The following GPN1 variants were observed in gnomAD, a reference collection of about 807,000 sequenced individuals.
GPN1 encodes GPN-loop GTPase 1, also known as ATP(GTP)-binding protein.
A neutral mutation model predicts 55.9 loss-of-function variants in GPN1; 44 were observed. The ratio of observed to expected loss-of-function variants is 0.79; its 90% confidence interval spans 0.62 to 1.01. GPN1 has a LOEUF of 1.01. GPN1 is among the 50% of genes least tolerant of loss of function. The pLI is 0.00. For missense variants in GPN1, 466 were observed against 462.8 expected (o/e 1.01, Z -0.06); for synonymous variants, 179 against 162.5 (o/e 1.10, Z -0.77).
At position 27,650,377 on chromosome 2, in the gene GPN1, C is replaced by A; in HGVS notation, c.*177C>A. The A allele has an allele frequency of 2.1e-6, 1 of 474,952 alleles. No homozygotes were observed. The highest frequency in any genetic ancestry group is 3.8e-6 in the Non-Finnish European group (1 of 262,408). 29.4% of individuals were successfully genotyped at this position (474,952 alleles called of 1,614,324 possible). A position where few individuals can be genotyped will look rare whatever the true frequency, so the allele number is the denominator to read the frequency against. On this transcript the variant is annotated 3_prime_UTR_variant, in exon 14 of 14. Coordinates refer to ENST00000610189, the MANE Select transcript of GPN1 (RefSeq NM_007266.4). ...CAGATGAAGTCAGGGATAGAAGACCCTTGGACCTGGCAGGTTAATGCTGAT... is the reference window on the plus strand; with the variant it reads ...CAGATGAAGTCAGGGATAGAAGACCATTGGACCTGGCAGGTTAATGCTGAT...
intron 13 of GPN1, among the ~76,000 whole-genome samples, chr2:27,648,332 C>T (rs1285347060): frequency 1.3e-5 from 2 of 152,004 alleles, no homozygotes; most frequent in African/African-American, 4.8e-5. Flanking sequence ...CAAGCCTGGG[C>T]AACATAGTTA....
rs1673767877 is a variant in GPN1, at chr2:27,637,293, A to G, written c.525-917A>G. 2.6e-5 allele frequency among the ~76,000 whole-genome samples: 4 copies of G among 152,298 alleles called. No homozygotes were observed. In the South Asian group the frequency reaches 8.3e-4, roughly 32 times the overall value. On this transcript the variant is annotated intron_variant, in intron 7 of 13. Coordinates refer to ENST00000610189, the MANE Select transcript of GPN1 (RefSeq NM_007266.4). The stretch of plus-strand genomic sequence containing the variant: ...TCATTAAGTGAAGTAGATCGTCATA[A>G]AACTCTTCATCCTAATCGTCTTCAC...
At chr2:27,629,554 C>G (rs574768224) in intron 1 of GPN1, 70 of 734,372 alleles carry the variant, frequency 9.5e-5, no homozygotes, top group Non-Finnish European at 2.3e-6. Context: ...GGGGATATAG[C>G]GAAAATGAGG....
rs753525281 is a variant in GPN1 at position 27,634,856 on chromosome 2, A to G, written c.361A>G (p.Ile121Val). The G allele has an allele frequency of 1.3e-6, 2 of 1,572,918 alleles. No homozygotes were observed. The highest frequency in any genetic ancestry group is 3.3e-5 in the Admixed American group (2 of 59,952). ...TCTTTCTTGACATAGATATGTGTTG[A>G]TTGACACACCTGGACAGATTGAGGT... ...KAQNMSKYVL[I>V]DTPGQIEVFT... is the part of the protein sequence containing the mutation. Residue 121 changes from isoleucine to valine, a missense_variant, in exon 6 of 14, where the codon ATT (isoleucine) becomes GTT (valine). Physicochemically the swap from Ile to Val is conservative, Grantham distance 29 (BLOSUM62 3). Transcript: ENST00000610189.
At chr2:27,640,912 G>A (rs573800630) in intron 10 of GPN1, among the ~76,000 whole-genome samples, 3 of 152,252 alleles carry the variant, frequency 2.0e-5, no homozygotes, top group Non-Finnish European at 2.9e-5. Context: ...TATGTTGCAC[G>A]TCCTGAGCTC....
At chr2:27,628,546 C>G (rs975168928), upstream of GPN1, 1 of 1,551,378 alleles carries the variant, frequency 6.4e-7, no homozygotes, top group African/African-American at 1.4e-5. Flanking sequence ...TTTATTCGTT[C>G]GGTGCTCAAA....
chr2:27,635,092 C>A, intron 6 of GPN1, 48 bp from the exon 7 acceptor site: 1 of 1,167,304 alleles, frequency 8.6e-7, no homozygotes, highest in Non-Finnish European at 1.3e-6. Flanking sequence ...AGTTTGAGGA[C>A]AGATCGTGAG....
Position 27,631,898 on chromosome 2 carries a change from C to A in GPN1, c.310C>A (p.Gln104Lys). The change falls in exon 4 of 14, where the codon CAG (glutamine) becomes AAG (lysine). Residue 104 changes from glutamine to lysine, a missense_variant and splice_region_variant. Physicochemically the swap from Gln to Lys is moderately conservative, Grantham distance 53. Transcript: ENST00000610189. ...CAATCTCTTTGCTACCAGATTTGAT[C>A]AGGTATATCTGTCTTTAGTATATTA... ...SLNLFATRFD[Q>K]VMKFIEKAQN... The A allele has an allele frequency of 6.5e-7, 1 of 1,548,818 alleles. No homozygotes were observed. Among genetic ancestry groups the A allele is most frequent in the Non-Finnish European group, 8.9e-7 (1 of 1,120,394 alleles).
At chr2:27,638,799 G>A in intron 8 of GPN1, 86 bp from the exon 9 acceptor site, 1 of 1,107,292 alleles carries the variant, frequency 9.0e-7, no homozygotes, top group Non-Finnish European at 1.3e-6. Flanking sequence ...TGGATGATAT[G>A]TTCTTTGCTG....
At chr2:27,641,170 TA>T in intron 10 of GPN1, 69 bp from the exon 11 acceptor site, 3 of 960,326 alleles carry the variant, frequency 3.1e-6, no homozygotes, top group Non-Finnish European at 5.0e-6. Context: ...AAAATAGAGA[TA>T]AGGGGATGTG....
intron 2 of GPN1, among the ~76,000 whole-genome samples, chr2:27,630,231 G>C (rs1673483914): frequency 6.6e-6 from 1 of 152,066 alleles, no homozygotes. Context: ...AGGTTGCAGT[G>C]AGCCAAGATC....
At chr2:27,635,681 G>A (rs1019416209) in intron 7 of GPN1, among the ~76,000 whole-genome samples, 1 of 152,156 alleles carries the variant, frequency 6.6e-6, no homozygotes, top group African/African-American at 2.4e-5. Flanking sequence ...AGCCAGCGTG[G>A]TGGCACGCCC....
At chr2:27,637,275 G>A (rs1284995442) in intron 7 of GPN1, among the ~76,000 whole-genome samples, 1 of 152,134 alleles carries the variant, frequency 6.6e-6, no homozygotes, top group African/African-American at 2.4e-5. Context: ...TGTTCATTAA[G>A]TGAAGTAGAT....
intron 9 of GPN1, among the ~76,000 whole-genome samples, chr2:27,639,321 G>A (rs1037363606): frequency 6.6e-6 from 1 of 152,038 alleles, no homozygotes; most frequent in African/African-American, 2.4e-5. Context: ...ATTGTGAGGC[G>A]GCAGATCAAA....
At chr2:27,636,755 A>G (rs1673750040) in intron 7 of GPN1, among the ~76,000 whole-genome samples, 2 of 152,310 alleles carry the variant, frequency 1.3e-5, no homozygotes. Flanking sequence ...GAATACAGGC[A>G]TGAGCCACTG....
intron 12 of GPN1, among the ~76,000 whole-genome samples, chr2:27,644,706 G>GTT (rs35012162): frequency 6.5e-5 from 8 of 123,970 alleles, no homozygotes; most frequent in Non-Finnish European, 1.0e-4. Context: ...GCCTTAGTGA[G>GTT]TTTTTTTTTT....
At chr2:27,636,816 C>T (rs537993700) in intron 7 of GPN1, among the ~76,000 whole-genome samples, 63 of 152,162 alleles carry the variant, frequency 4.1e-4, no homozygotes, top group Middle Eastern at 3.4e-3. Flanking sequence ...ATTTGATTTG[C>T]CTGATAGTGT....
Position 27,631,045 on chromosome 2 carries a change from A to G in GPN1, c.224A>G (p.Lys75Arg). ...PANIDIRDTV[K>R]YKEVMKQYGL... ...TCCTCAGATATTCGTGATACTGTAA[A>G]GTATAAAGAAGTAATGAAACAGTAT... The change falls in exon 3 of 14, where the codon AAG becomes AGG. Residue 75 changes from lysine to arginine, a missense_variant. Lys to Arg is a conservative substitution (Grantham distance 26). Transcript: ENST00000610189. 2 of 1,373,446 alleles carry G rather than the reference A, an allele frequency of 1.5e-6. No homozygotes were observed. Among genetic ancestry groups the G allele is most frequent in the Non-Finnish European group, 2.1e-6 (2 of 962,748 alleles). 85.1% of individuals were successfully genotyped at this position (1,373,446 alleles called of 1,614,324 possible).
rs1193011616 is a variant in GPN1 at position 27,640,093 on chromosome 2, G to T, written c.768G>T (p.Val256=). 2 of 1,612,874 alleles carry T rather than the reference G, an allele frequency of 1.2e-6. No individual in the cohort carries two copies. Among genetic ancestry groups the T allele is most frequent in the Non-Finnish European group, 1.7e-6 (2 of 1,178,866 alleles). The change falls in exon 10 of 14, where the codon GTG becomes GTT. Residue 256 remains valine (V), a synonymous_variant. Coordinates refer to ENST00000610189, the MANE Select transcript of GPN1 (RefSeq NM_007266.4). ...VLGTGLDELF[V]QVTSAAEEYE... ...GTACTGGATTAGATGAACTCTTTGT[G>T]CAAGTTACCAGTGCTGCCGAAGAAT...
Sources: gnomAD v4.1 joint callset for allele counts (sites outside exome capture counted in the v4.1 genomes callset) on GRCh38, gnomAD v4.1.1 for gene constraint, MANE v1.5 for transcripts, NCBI Gene and HGNC (gene_info 2026-07-23, HGNC 2026-07-21) for gene names.